Variants in ZNF721 observed in about 807,000 individuals in gnomAD.
ZNF721 encodes zinc finger protein 721.
Under a neutral mutation model 2.4 loss-of-function variants are expected in ZNF721, and 2 were observed. That is an observed-to-expected ratio of 0.82 (90% CI 0.34 to 2.58). The LOEUF (loss-of-function observed/expected upper bound fraction) is 2.58. ZNF721 is among the 30% of genes most tolerant of loss of function. ZNF721 has a pLI of 0.11. For missense variants in ZNF721, 1,187 were observed against 1,085.5 expected (o/e 1.09, Z -1.31); for synonymous variants, 398 against 381.8 (o/e 1.04, Z -0.50).
At position 443,051 on chromosome 4, in the gene ZNF721, G is replaced by C. The variant is rs1266102625; in HGVS notation, c.1416C>G (p.Pro472=). 1 of 1,613,642 alleles carries C rather than the reference G, an allele frequency of 6.2e-7. No homozygotes were observed. Among genetic ancestry groups the C allele is most frequent in the Non-Finnish European group, 8.5e-7 (1 of 1,179,776 alleles). ...KHEKIHTGKK[P]YKCKQCGKVI... ...CTTTGCCACATTGCTTACATTTGTA[G>C]GGTTTCTTTCCAGTATGAATTTTCT... The change falls in exon 3 of 3, where the codon CCC becomes CCG. Residue 472 remains proline (P), a synonymous_variant. Coordinates refer to ENST00000511833, the MANE Select transcript of ZNF721 (RefSeq NM_133474.4).
At chr4:446,112 T>C (rs181826879) in intron 2 of ZNF721, among the ~76,000 whole-genome samples, 152 of 152,220 alleles carry the variant, frequency 1.0e-3, no homozygotes, top group East Asian at 8.9e-3. Flanking sequence ...CTGAAGAAAG[T>C]GTCTTCCAGT....
At chr4:498,729 T>TTTC (rs1716464092) in intron 1 of ZNF721, among the ~76,000 whole-genome samples, 1 of 148,082 alleles carries the variant, frequency 6.8e-6, no homozygotes, top group South Asian at 2.1e-4. Context: ...GAATTTTCTT[T>TTTC]TTTTTTTTTT....
intron 2 of ZNF721, among the ~76,000 whole-genome samples, chr4:468,001 C>T (rs180760011): frequency 0.011 from 1,659 of 150,364 alleles, 22 homozygotes; most frequent in South Asian, 0.018. Flanking sequence ...CTGAGCGTGC[C>T]GGGTGCGGTG....
In ZNF721 at chr4:442,809, C is replaced by G. The variant is rs782610610; in HGVS notation, c.1658G>C (p.Gly553Ala). The G allele has an allele frequency of 1.2e-6, 2 of 1,613,772 alleles. No homozygotes were observed. The highest frequency in any genetic ancestry group is 1.3e-5 in the African/African-American group (1 of 74,932). The change falls in exon 3 of 3, where the codon GGA becomes GCA. Residue 553 changes from glycine to alanine, a missense_variant. Transcript: ENST00000511833. ...TTCTTCACATGTGTAGGGTTTCTCT[C>G]CAGTATGAATTCTCCTATGTACATA... ...ILYVHRRIHTGEKPYTCEECG... is the reference protein window; with the variant it reads ...ILYVHRRIHTAEKPYTCEECG...
chr4:490,259 G>A (rs1553871296), intron 1 of ZNF721, among the ~76,000 whole-genome samples: 3 of 151,580 alleles, frequency 2.0e-5, no homozygotes, highest in East Asian at 2.0e-4. Flanking sequence ...GGCAGATCAC[G>A]AGGTGAGGAG....
At chr4:497,823 G>A (rs868907715) in intron 1 of ZNF721, among the ~76,000 whole-genome samples, 1 of 151,984 alleles carries the variant, frequency 6.6e-6, no homozygotes, top group South Asian at 2.1e-4. Flanking sequence ...GCGTGAACCC[G>A]GGAGGCGGAG....
At chr4:490,446 G>A (rs1317313296) in intron 1 of ZNF721, among the ~76,000 whole-genome samples, 1 of 150,794 alleles carries the variant, frequency 6.6e-6, no homozygotes, top group Non-Finnish European at 1.5e-5. Flanking sequence ...TCCAGCCTGG[G>A]CAACAGAGTG....
chr4:472,759 G>A lies in ZNF721; in HGVS notation c.-93-58C>T, dbSNP rs547111629. On this transcript the variant is annotated intron_variant, in intron 1 of 2. Coordinates refer to ENST00000511833, the MANE Select transcript of ZNF721 (RefSeq NM_133474.4). ...CTTAATTTGACTACAGGTGAAATGTGTTAAGAGAACCAGTTCTGACATGTG... is the reference window on the plus strand; with the variant it reads ...CTTAATTTGACTACAGGTGAAATGTATTAAGAGAACCAGTTCTGACATGTG... 3.1e-4 allele frequency: 490 copies of A among 1,598,996 alleles called. 1 individual carries two copies. Among genetic ancestry groups the A allele is most frequent in the Middle Eastern group, 2.5e-3 (15 of 6,000 alleles).
chr4:488,055 A>C (rs1715939011), intron 1 of ZNF721, among the ~76,000 whole-genome samples: 1 of 152,182 alleles, frequency 6.6e-6, no homozygotes. Context: ...CATTCAGATA[A>C]GGGGTAGCTG....
chr4:481,257 C>T (rs551964106), intron 1 of ZNF721, among the ~76,000 whole-genome samples: 24 of 152,128 alleles, frequency 1.6e-4, no homozygotes, highest in Non-Finnish European at 2.9e-4. Flanking sequence ...AATCTCCATC[C>T]CAATTTTCTT....
chr4:461,247 T>G (rs1427948453), intron 2 of ZNF721, among the ~76,000 whole-genome samples: 1 of 152,194 alleles, frequency 6.6e-6, no homozygotes, highest in Non-Finnish European at 1.5e-5. Flanking sequence ...TCAAAAAGCT[T>G]ATCCGCCATG....
chr4:492,912 C>T (rs891870280), intron 1 of ZNF721, among the ~76,000 whole-genome samples: 17 of 151,542 alleles, frequency 1.1e-4, no homozygotes, highest in Non-Finnish European at 1.6e-4. Context: ...TTAGACAAAA[C>T]TTATTCACCT....
chr4:484,428 T>G (rs1438611983), intron 1 of ZNF721, among the ~76,000 whole-genome samples: 1 of 152,126 alleles, frequency 6.6e-6, no homozygotes, highest in African/African-American at 2.4e-5. Flanking sequence ...AACCTTAAAC[T>G]CTGACCACCG....
intron 1 of ZNF721, 45 bp from the exon 2 acceptor site, chr4:472,746 ACAG>A (rs1435831399): frequency 6.2e-7 from 1 of 1,606,354 alleles, no homozygotes; most frequent in Non-Finnish European, 8.5e-7. Flanking sequence ...TAATTTGACT[ACAG>A]GTGAAATGTG....
chr4:492,172 A>AAAAC (rs782297910), intron 1 of ZNF721, among the ~76,000 whole-genome samples: 34 of 143,892 alleles, frequency 2.4e-4, no homozygotes, highest in African/African-American at 7.4e-4. Flanking sequence ...CAAAAAAAAA[A>AAAAC]AAACAAACAA....
At position 443,988 on chromosome 4, in the gene ZNF721, G is replaced by C. The variant is rs782769152; in HGVS notation, c.479C>G (p.Thr160Ser). 38 of 1,614,014 alleles carry C rather than the reference G, an allele frequency of 2.4e-5. No homozygotes were observed. Among genetic ancestry groups the C allele is most frequent in the Non-Finnish European group, 3.1e-5 (37 of 1,180,020 alleles). ...TTCACATTTGTAAGGTTTCTCTCCA[G>C]TATGAATTTTCTTGTGTTGATTCAG... ...TDLNQHKKIH[T>S]GEKPYKCEEC... The change falls in exon 3 of 3, where the codon ACT becomes AGT. Residue 160 changes from threonine to serine, a missense_variant. Thr to Ser is a moderately conservative substitution (Grantham distance 58). Coordinates refer to ENST00000511833, the MANE Select transcript of ZNF721 (RefSeq NM_133474.4).
chr4:494,360 GTA>G (rs1225584289), intron 1 of ZNF721, among the ~76,000 whole-genome samples: 1 of 143,908 alleles, frequency 6.9e-6, no homozygotes, highest in Non-Finnish European at 1.5e-5. Flanking sequence ...TTTTTTTTTT[GTA>G]TGTTTAGTAG....
chr4:474,133 C>G (rs1234210866), intron 1 of ZNF721: 2 of 989,546 alleles, frequency 2.0e-6, no homozygotes, highest in East Asian at 4.7e-5. Context: ...CGAGCTCAGG[C>G]TGAAGCAACA....
At chr4:474,287 A>G in intron 1 of ZNF721, 1 of 332,992 alleles carries the variant, frequency 3.0e-6, no homozygotes, top group Non-Finnish European at 5.9e-6. Context: ...TTGTGACCAT[A>G]CAATGCACTG....
Sources: allele counts gnomAD v4.1 joint callset (sites outside exome capture counted in the v4.1 genomes callset), GRCh38; gene constraint gnomAD v4.1.1; transcripts MANE v1.5; gene names NCBI Gene and HGNC (gene_info 2026-07-23, HGNC 2026-07-21).